DHX37: variants seen among roughly 807,000 people sequenced by gnomAD.
The protein encoded by DHX37 is probable ATP-dependent RNA helicase DHX37.
DHX37 carries 52 observed loss-of-function variants against 134.3 expected under a neutral mutation model. That is an observed-to-expected ratio of 0.39 (90% CI 0.31 to 0.49). The LOEUF is 0.49. Among genes scored for constraint, DHX37 ranks in the 20% least tolerant of loss-of-function variants. The pLI is 0.93. For synonymous variants in DHX37, 634 were observed against 670.7 expected, an observed-to-expected ratio of 0.95 and a Z score of 0.85; for missense variants, 1,344 against 1,580.8, an observed-to-expected ratio of 0.85 and a Z score of 2.54.
At chr12:124,964,195 C>CAAAAAAAAA (rs397692928) in intron 15 of DHX37, among the ~76,000 whole-genome samples, 199 bp downstream of exon 15, 3 of 57,454 alleles carry the variant, frequency 5.2e-5, no homozygotes, top group Admixed American at 2.1e-4. Flanking sequence ...AACTCCATCT[C>CAAAAAAAAA]AAAAAAAAAA....
chr12:124,948,090 G>A lies in DHX37; in HGVS notation c.3382C>T (p.Pro1128Ser), dbSNP rs1353434957. The change falls in exon 26 of 27, where the codon CCC (proline) becomes TCC (serine). Residue 1128 changes from proline to serine, a missense_variant. Pro to Ser is a moderately conservative substitution (Grantham distance 74). Coordinates refer to ENST00000308736, the MANE Select transcript of DHX37 (RefSeq NM_032656.4). Reference sequence around the variant, plus strand: ...TGGCCCTGGTCAAACTCACATTTGGGGTTTTTCTTCCAAGCAGCCAGCAAG... The same window carrying A: ...TGGCCCTGGTCAAACTCACATTTGGAGTTTTTCTTCCAAGCAGCCAGCAAG... ...EALLAAWKKN[P>S]KYLLAEYCEW... is the part of the protein sequence containing the mutation. 6 of 1,614,208 alleles carry A rather than the reference G, an allele frequency of 3.7e-6. No homozygotes were observed. Among genetic ancestry groups the A allele is most frequent in the East Asian group, 4.5e-5 (2 of 44,874 alleles).
At chr12:124,951,018 C>T (rs1380305189) in intron 21 of DHX37, among the ~76,000 whole-genome samples, 2 of 152,214 alleles carry the variant, frequency 1.3e-5, no homozygotes, top group Non-Finnish European at 2.9e-5. Flanking sequence ...CGCCTGTAAT[C>T]CCAACACTCT....
intron 6 of DHX37, among the ~76,000 whole-genome samples, chr12:124,974,936 C>G (rs1954602003): frequency 6.6e-6 from 1 of 152,190 alleles, no homozygotes; most frequent in African/African-American, 2.4e-5. Context: ...GCCACCACAC[C>G]TGGCTCATCT....
At chr12:124,950,089 C>T (rs369737590) in intron 24 of DHX37, 30 bp from the exon 25 acceptor site, 47 of 1,613,704 alleles carry the variant, frequency 2.9e-5, no homozygotes, top group Non-Finnish European at 3.9e-5. Context: ...AGGGGTGAGG[C>T]CCGGGCTGCT....
rs756121586 is a variant in DHX37 at position 124,968,897 on chromosome 12, C to T, written c.1263G>A (p.Arg421=). 3.1e-6 allele frequency: 5 copies of T among 1,613,950 alleles called. No individual in the cohort carries two copies. The African/African-American group carries it at 5.3e-5, about 17-fold the overall frequency. The change falls in exon 9 of 27, where the codon CGG becomes CGA. Residue 421 remains arginine, a synonymous_variant. Transcript: ENST00000308736. The part of the protein sequence containing the change: ...LRVEDFTQNP[R]LFAKPPPVIK... ...TGACCGGCGGCGGCTTGGCGAAGAG[C>T]CGTGGGTTCTGGGTGAAGTCCTCCA...
chr12:124,971,735 C>T (rs1954527102), intron 7 of DHX37, among the ~76,000 whole-genome samples: 1 of 152,196 alleles, frequency 6.6e-6, no homozygotes. Context: ...TTTGCCATCC[C>T]CCTGGGAGAT....
intron 18 of DHX37, 116 bp from the exon 19 acceptor site, chr12:124,954,327 G>T (rs1377415151): frequency 1.9e-5 from 27 of 1,425,434 alleles, no homozygotes; most frequent in African/African-American, 7.1e-5. Flanking sequence ...GGTCACTGAT[G>T]AATGTAATTA....
At position 124,980,893 on chromosome 12, in the gene DHX37, C is replaced by A; in HGVS notation, c.390-55G>T. On this transcript the variant is annotated intron_variant, in intron 3 of 26. Coordinates refer to ENST00000308736, the MANE Select transcript of DHX37 (RefSeq NM_032656.4). The surrounding 1 kb of genome is among the most constrained non-coding windows in gnomAD (Gnocchi z 5.3). ...GAGGCCCCACCTCAATCCCAGAGGTCAGGACTCCAAGGCCATACCCCTTTC... is the reference window on the plus strand; with the variant it reads ...GAGGCCCCACCTCAATCCCAGAGGTAAGGACTCCAAGGCCATACCCCTTTC... 6.6e-7 allele frequency: 1 copy of A among 1,524,488 alleles called. No homozygotes were observed. The highest frequency in any genetic ancestry group is 1.2e-5 in the South Asian group (1 of 83,346). The allele number at this position is 1,524,488 out of a possible 1,614,324, so 94.4% of individuals were successfully genotyped here.
At chr12:124,957,923 G>A (rs192515001) in intron 16 of DHX37, among the ~76,000 whole-genome samples, 15 of 152,372 alleles carry the variant, frequency 9.8e-5, no homozygotes, top group Admixed American at 2.6e-4. Context: ...CCGCGAATAG[G>A]AGTGAAGCAG....
At position 124,949,839 on chromosome 12, in the gene DHX37, T is replaced by C. The variant is rs747445278; in HGVS notation, c.3290+147A>G. ...TCCCCGAGAGCCGCTGCACAGACCG[T>C]GGCTCTGCAGAGCCTTCAGACCTGA... On this transcript the variant is annotated intron_variant, in intron 25 of 26. Transcript: ENST00000308736. This position sits in a 1 kb window ranked among gnomAD's most constrained non-coding sequence, Gnocchi z 4.0. 7.8e-6 allele frequency: 7 copies of C among 893,312 alleles called. No individual in the cohort carries two copies. The highest frequency in any genetic ancestry group is 1.2e-5 in the Non-Finnish European group (7 of 591,720). 55.3% of individuals were successfully genotyped at this position (893,312 alleles called of 1,614,324 possible).
At chr12:124,976,681 T>C (rs1954648296) in intron 5 of DHX37, among the ~76,000 whole-genome samples, 1 of 151,536 alleles carries the variant, frequency 6.6e-6, no homozygotes, top group African/African-American at 2.4e-5. Context: ...TACAAAAAAA[T>C]TAGCTGGGCG....
intron 4 of DHX37, among the ~76,000 whole-genome samples, chr12:124,978,074 C>T (rs908727127): frequency 6.6e-6 from 1 of 152,166 alleles, no homozygotes; most frequent in African/African-American, 2.4e-5. Context: ...GATTCTCCCG[C>T]CTCAGCCTCC....
chr12:124,985,540 T>A (rs1954850946), intron 2 of DHX37, among the ~76,000 whole-genome samples: 2 of 142,530 alleles, frequency 1.4e-5, no homozygotes, highest in African/African-American at 5.3e-5. Context: ...ATCAAGATCA[T>A]CCTGGCTAAC....
chr12:124,957,514 G>A (rs571711012), intron 16 of DHX37, among the ~76,000 whole-genome samples: 15 of 152,320 alleles, frequency 9.8e-5, no homozygotes, highest in African/African-American at 3.4e-4. Context: ...GGCCTGGTGC[G>A]GTGGCTCACG....
chr12:124,969,330 G>C (rs1954469898), intron 8 of DHX37, among the ~76,000 whole-genome samples: 1 of 152,174 alleles, frequency 6.6e-6, no homozygotes. Flanking sequence ...GGGGGTGGGA[G>C]AGAGCTCCCG....
Position 124,980,455 on chromosome 12 carries a change from C to A in DHX37, c.738+35G>T. ...CCTCTGTGCGCCCCTTGCCCGCTAACCTAGATTCTTAATCACAAACACGGG... is the reference window on the plus strand; with the variant it reads ...CCTCTGTGCGCCCCTTGCCCGCTAAACTAGATTCTTAATCACAAACACGGG... On this transcript the variant is annotated intron_variant, in intron 4 of 26. Coordinates refer to ENST00000308736, the MANE Select transcript of DHX37 (RefSeq NM_032656.4). The surrounding 1 kb of genome is among the most constrained non-coding windows in gnomAD (Gnocchi z 5.3). The A allele has an allele frequency of 6.3e-7, 1 of 1,599,642 alleles. No individual in the cohort carries two copies. The highest frequency in any genetic ancestry group is 2.2e-5 in the East Asian group (1 of 44,650).
chr12:124,969,610 A>G (rs1954474517), intron 8 of DHX37, among the ~76,000 whole-genome samples: 1 of 151,970 alleles, frequency 6.6e-6, no homozygotes, highest in South Asian at 2.1e-4. Context: ...CCCCAAAGAC[A>G]TAAACCAAGG....
intron 13 of DHX37, 21 bp downstream of exon 13, chr12:124,965,647 G>A: frequency 6.3e-7 from 1 of 1,586,590 alleles, no homozygotes; most frequent in East Asian, 2.3e-5. Context: ...ACATGAGCAG[G>A]AATCGGTGCT....
At chr12:124,963,242 C>G (rs1014982965) in intron 15 of DHX37, among the ~76,000 whole-genome samples, 1 of 152,214 alleles carries the variant, frequency 6.6e-6, no homozygotes, top group South Asian at 2.1e-4. Flanking sequence ...CGGCAGAGGC[C>G]AGACACGAGG....
Sources: gnomAD v4.1 joint callset for allele counts (sites outside exome capture counted in the v4.1 genomes callset) on GRCh38, gnomAD v4.1.1 for gene constraint, Gnocchi (gnomAD v3.1) non-coding constraint, MANE v1.5 for transcripts, NCBI Gene and HGNC (gene_info 2026-07-23, HGNC 2026-07-21) for gene names.